Variants in FHOD3 observed in about 807,000 individuals in gnomAD.
FHOD3 encodes the protein formin homology 2 domain containing 3, also known as FH1/FH2 domain-containing protein 3.
In FHOD3, 90 loss-of-function variants were observed where a neutral mutation model predicts 173.0. That is an observed-to-expected ratio of 0.52 (90% CI 0.44 to 0.62). The LOEUF (loss-of-function observed/expected upper bound fraction) is 0.62. Among genes scored for constraint, FHOD3 ranks in the 20% least tolerant of loss-of-function variants. FHOD3 has a pLI of 0.00. For synonymous variants in FHOD3, 828 were observed against 823.0 expected, an observed-to-expected ratio of 1.01 and a Z score of -0.10; for missense variants, 1,945 against 2,034.7, an observed-to-expected ratio of 0.96 and a Z score of 0.85.
intron 3 of FHOD3, among the ~76,000 whole-genome samples, chr18:36,460,726 A>T (rs1287509353): frequency 6.6e-6 from 1 of 152,190 alleles, no homozygotes; most frequent in East Asian, 1.9e-4. Flanking sequence ...TTTTATATTA[A>T]TGACCACATA....
At chr18:36,455,250 T>C (rs1303694643) in intron 3 of FHOD3, among the ~76,000 whole-genome samples, 1 of 152,158 alleles carries the variant, frequency 6.6e-6, no homozygotes, top group East Asian at 1.9e-4. Context: ...CAGCAAACCT[T>C]CCTCTGGGCT....
intron 3 of FHOD3, among the ~76,000 whole-genome samples, chr18:36,500,393 T>G (rs1292816314): frequency 6.6e-6 from 1 of 152,236 alleles, no homozygotes; most frequent in Non-Finnish European, 1.5e-5. Flanking sequence ...GTCACTAGAC[T>G]TCTGCAAACT....
intron 3 of FHOD3, among the ~76,000 whole-genome samples, chr18:36,458,904 T>C (rs1186695092): frequency 6.6e-6 from 1 of 152,180 alleles, no homozygotes; most frequent in Non-Finnish European, 1.5e-5. Flanking sequence ...ACGTATCCTT[T>C]CACACATTTT....
At chr18:36,589,669 C>T (rs1413935966) in intron 6 of FHOD3, among the ~76,000 whole-genome samples, 3 of 152,202 alleles carry the variant, frequency 2.0e-5, no homozygotes, top group Non-Finnish European at 2.9e-5. Context: ...CTCTGAACTC[C>T]TTCTGCAAAG....
intron 3 of FHOD3, among the ~76,000 whole-genome samples, chr18:36,380,384 T>C (rs1215492231): frequency 6.6e-6 from 1 of 152,078 alleles, no homozygotes; most frequent in Non-Finnish European, 1.5e-5. Flanking sequence ...GAGAGATCAT[T>C]GGGGCAAGGG....
At chr18:36,312,438 C>T (rs910107110) in intron 1 of FHOD3, among the ~76,000 whole-genome samples, 1 of 152,140 alleles carries the variant, frequency 6.6e-6, no homozygotes, top group African/African-American at 2.4e-5. Context: ...ACCCAGCTGC[C>T]CTTTGAACAG....
chr18:36,693,059 GT>G, intron 16 of FHOD3, 149 bp from the exon 17 acceptor site: 6 of 723,622 alleles, frequency 8.3e-6, no homozygotes, highest in Admixed American at 2.8e-5. Context: ...TTTGCTGGGT[GT>G]TTTTGGCAGG....
At chr18:36,487,435 C>T (rs189507306) in intron 3 of FHOD3, among the ~76,000 whole-genome samples, 61 of 152,320 alleles carry the variant, frequency 4.0e-4, no homozygotes, top group African/African-American at 1.4e-3. Context: ...CCCTGCTGGG[C>T]CCCTGAGCCT....
chr18:36,348,563 C>A (rs954103392), intron 1 of FHOD3, among the ~76,000 whole-genome samples: 1 of 152,100 alleles, frequency 6.6e-6, no homozygotes, highest in Non-Finnish European at 1.5e-5. Context: ...TTCCATGGAT[C>A]CATGGAGCAC....
chr18:36,535,118 G>A (rs968598008), intron 5 of FHOD3, among the ~76,000 whole-genome samples: 6 of 152,274 alleles, frequency 3.9e-5, no homozygotes, highest in African/African-American at 1.2e-4. Flanking sequence ...AAAAAAAGTA[G>A]CACTACCAAA....
At chr18:36,612,157 G>T in intron 9 of FHOD3, 62 bp downstream of exon 9, 1 of 1,565,764 alleles carries the variant, frequency 6.4e-7, no homozygotes, top group East Asian at 2.3e-5. Flanking sequence ...AGGCTGAGAT[G>T]GCGCCTACTT....
chr18:36,742,395 A>C (rs148823927), intron 21 of FHOD3, among the ~76,000 whole-genome samples: 1,611 of 152,288 alleles, frequency 0.011, 33 homozygotes, highest in African/African-American at 0.036. Context: ...GCAAAGAAGA[A>C]GACTGTGGTC....
intron 1 of FHOD3, among the ~76,000 whole-genome samples, chr18:36,305,636 T>G (rs1440993154): frequency 1.3e-5 from 2 of 152,168 alleles, no homozygotes; most frequent in Non-Finnish European, 2.9e-5. Context: ...TCTGACTGCT[T>G]GATCAGAGCC....
intron 1 of FHOD3, among the ~76,000 whole-genome samples, chr18:36,331,388 T>C (rs2045002400): frequency 1.3e-5 from 2 of 152,188 alleles, no homozygotes; most frequent in Admixed American, 1.3e-4. Context: ...CTGATGTCAG[T>C]AGATAAACGT....
intron 20 of FHOD3, among the ~76,000 whole-genome samples, chr18:36,736,485 C>G (rs2041638267): frequency 6.6e-6 from 1 of 152,156 alleles, no homozygotes; most frequent in Non-Finnish European, 1.5e-5. Flanking sequence ...GTTTCATTGC[C>G]AGTGAAAGTG....
At chr18:36,410,060 G>A (rs898301307) in intron 3 of FHOD3, among the ~76,000 whole-genome samples, 1 of 152,176 alleles carries the variant, frequency 6.6e-6, no homozygotes, top group Non-Finnish European at 1.5e-5. Context: ...GTCTGATTCA[G>A]TGGTATTTAA....
intron 5 of FHOD3, among the ~76,000 whole-genome samples, chr18:36,531,699 A>C (rs1176323311): frequency 1.3e-5 from 2 of 152,254 alleles, no homozygotes; most frequent in African/African-American, 4.8e-5. Context: ...AACAGCTTAT[A>C]GACTGAATAA....
chr18:36,355,770 A>C, intron 2 of FHOD3, 125 bp downstream of exon 2: 3 of 749,160 alleles, frequency 4.0e-6, no homozygotes, highest in Non-Finnish European at 4.3e-6. Flanking sequence ...TCAATCACAC[A>C]CGAGGGAGAT....
At chr18:36,567,146 G>A (rs2058294109) in intron 5 of FHOD3, among the ~76,000 whole-genome samples, 1 of 152,210 alleles carries the variant, frequency 6.6e-6, no homozygotes, top group African/African-American at 2.4e-5. Context: ...TGAGGGGGAA[G>A]GGAAGTCAAA....
Sources: allele counts gnomAD v4.1 joint callset (sites outside exome capture counted in the v4.1 genomes callset), GRCh38; gene constraint gnomAD v4.1.1; transcripts MANE v1.5; gene names NCBI Gene and HGNC (gene_info 2026-07-23, HGNC 2026-07-21).